MRPS28: variants seen among roughly 807,000 people sequenced by gnomAD.
MRPS28 encodes the protein mitochondrial ribosomal protein S28.
Under a neutral mutation model 10.8 loss-of-function variants are expected in MRPS28, and 7 were observed. That is an observed-to-expected ratio of 0.65 (90% CI 0.37 to 1.22). The LOEUF (loss-of-function observed/expected upper bound fraction) is 1.22, where lower values mean the gene tolerates loss of function less well. MRPS28 is among the 50% of genes most tolerant of loss of function. The pLI is 0.02. For missense variants in MRPS28, 265 were observed against 232.9 expected, an observed-to-expected ratio of 1.14 and a Z score of -0.90; for synonymous variants, 121 against 93.3, an observed-to-expected ratio of 1.30 and a Z score of -1.71.
chr8:79,927,401 T>C (rs1464540453), intron 2 of MRPS28, among the ~76,000 whole-genome samples: 1 of 152,220 alleles, frequency 6.6e-6, no homozygotes, highest in African/African-American at 2.4e-5. Context: ...TCCTTAATAA[T>C]GTCCTTCCAT....
At chr8:79,937,156 C>G (rs1806625151) in intron 2 of MRPS28, among the ~76,000 whole-genome samples, 1 of 152,206 alleles carries the variant, frequency 6.6e-6, no homozygotes, top group South Asian at 2.1e-4. Flanking sequence ...AGCCACCTCA[C>G]CTGGCCACAA....
chr8:79,926,149 A>C (rs74547547), intron 2 of MRPS28, among the ~76,000 whole-genome samples: 3,501 of 152,286 alleles, frequency 0.023, 90 homozygotes, highest in Non-Finnish European at 0.021. Context: ...GGGAAAAAAA[A>C]CCAAAGAAAC....
intron 2 of MRPS28, among the ~76,000 whole-genome samples, chr8:79,965,059 C>T (rs1361596940): frequency 2.0e-5 from 3 of 152,068 alleles, no homozygotes; most frequent in East Asian, 1.9e-4. Flanking sequence ...AATACACACA[C>T]ATGTATTAAT....
At chr8:79,992,141 C>T (rs1808383808) in intron 2 of MRPS28, among the ~76,000 whole-genome samples, 1 of 152,220 alleles carries the variant, frequency 6.6e-6, no homozygotes, top group African/African-American at 2.4e-5. Flanking sequence ...CAGATGATTA[C>T]AGCCCTGGCT....
intron 2 of MRPS28, among the ~76,000 whole-genome samples, chr8:79,999,110 C>A (rs1310544019): frequency 6.6e-6 from 1 of 152,132 alleles, no homozygotes; most frequent in African/African-American, 2.4e-5. Flanking sequence ...GTAAATATTT[C>A]TCTTATTTAT....
intron 2 of MRPS28, among the ~76,000 whole-genome samples, chr8:79,922,469 T>A (rs1810119984): frequency 1.3e-5 from 2 of 152,204 alleles, no homozygotes; most frequent in South Asian, 4.1e-4. Context: ...GTATATTTTG[T>A]GTTCTCATCA....
chr8:79,968,445 T>G (rs1807552566), intron 2 of MRPS28, among the ~76,000 whole-genome samples: 1 of 152,176 alleles, frequency 6.6e-6, no homozygotes, highest in Non-Finnish European at 1.5e-5. Flanking sequence ...TCCCATTTGA[T>G]TCTAGTAACC....
intron 2 of MRPS28, among the ~76,000 whole-genome samples, chr8:79,985,054 T>A (rs201590581): frequency 2.0e-5 from 3 of 151,952 alleles, no homozygotes; most frequent in Non-Finnish European, 4.4e-5. Context: ...ATGTAAAAGA[T>A]CAGAAATTAT....
intron 1 of MRPS28, among the ~76,000 whole-genome samples, chr8:80,020,601 T>C (rs1407310626): frequency 2.6e-5 from 4 of 152,164 alleles, no homozygotes; most frequent in Non-Finnish European, 5.9e-5. Context: ...TCTGAAATGG[T>C]ACTGAGAAAC....
intron 2 of MRPS28, among the ~76,000 whole-genome samples, chr8:79,967,178 C>T (rs945239431): frequency 2.0e-5 from 3 of 152,078 alleles, no homozygotes; most frequent in Non-Finnish European, 4.4e-5. Context: ...AGTCTTGGCT[C>T]CTAGAAACTG....
intron 1 of MRPS28, among the ~76,000 whole-genome samples, chr8:80,006,788 C>T (rs1222263202): frequency 9.0e-4 from 127 of 141,270 alleles, no homozygotes; most frequent in South Asian, 1.6e-3. Context: ...AATAGCCTAC[C>T]AACCAAAAAA....
At chr8:79,944,335 G>C (rs973792886) in intron 2 of MRPS28, among the ~76,000 whole-genome samples, 3 of 152,148 alleles carry the variant, frequency 2.0e-5, no homozygotes, top group African/African-American at 7.2e-5. Flanking sequence ...TCCCTTACAT[G>C]ACCCCTTTCC....
chr8:79,966,764 A>G (rs1193228158), intron 2 of MRPS28, among the ~76,000 whole-genome samples: 1 of 152,162 alleles, frequency 6.6e-6, no homozygotes, highest in African/African-American at 2.4e-5. Flanking sequence ...TTCATAGAAT[A>G]CTCAATTAGC....
intron 2 of MRPS28, among the ~76,000 whole-genome samples, chr8:79,964,969 C>G (rs1807468116): frequency 2.0e-5 from 3 of 152,208 alleles, no homozygotes; most frequent in African/African-American, 7.2e-5. Context: ...CCTATTTACC[C>G]AGAGGCTGTT....
In MRPS28 at chr8:79,965,069, T is replaced by C. The variant is rs1027069469; in HGVS notation, c.395+37930A>G. Among the ~76,000 whole-genome samples the C allele has an allele frequency of 7.9e-4, 120 of 152,260 alleles. 1 individual carries two copies. The highest frequency in any genetic ancestry group is 1.0e-4 in the Non-Finnish European group (7 of 67,992). ...TATATAATACACACACATGTATTAA[T>C]ATTAACATTTTTAAAAGGTAAGTAA... is the stretch of plus-strand genomic sequence containing the variant. On this transcript the variant is annotated intron_variant, in intron 2 of 2. Coordinates refer to ENST00000276585, the MANE Select transcript of MRPS28 (RefSeq NM_014018.3).
chr8:79,971,504 C>G (rs1807633189), intron 2 of MRPS28, among the ~76,000 whole-genome samples: 1 of 152,110 alleles, frequency 6.6e-6, no homozygotes, highest in African/African-American at 2.4e-5. Context: ...TAAATGTCCC[C>G]TACCCCACCC....
At chr8:80,025,357 T>C (rs1809468850) in intron 1 of MRPS28, among the ~76,000 whole-genome samples, 1 of 152,222 alleles carries the variant, frequency 6.6e-6, no homozygotes, top group African/African-American at 2.4e-5. Context: ...GGAAACATTG[T>C]CATGCACTGT....
chr8:80,023,281 G>A (rs1454318179), intron 1 of MRPS28, among the ~76,000 whole-genome samples: 1 of 152,090 alleles, frequency 6.6e-6, no homozygotes, highest in Admixed American at 6.5e-5. Flanking sequence ...AATTCTTAAA[G>A]TTGTCAGTAA....
chr8:79,949,160 A>T (rs899808483), intron 2 of MRPS28, among the ~76,000 whole-genome samples: 5 of 152,186 alleles, frequency 3.3e-5, no homozygotes, highest in African/African-American at 4.8e-5. Flanking sequence ...TCACACCTGT[A>T]ATCCCAACAC....
Sources: gnomAD v4.1 joint callset for allele counts (sites outside exome capture counted in the v4.1 genomes callset) on GRCh38, gnomAD v4.1.1 for gene constraint, MANE v1.5 for transcripts, NCBI Gene and HGNC (gene_info 2026-07-23, HGNC 2026-07-21) for gene names.